Variants in GPHN observed in about 807,000 individuals in gnomAD.
GPHN encodes gephyrin.
GPHN carries 17 observed loss-of-function variants against 95.5 expected under a neutral mutation model. The observed-to-expected ratio is 0.18, with a 90% CI of 0.12 to 0.27. GPHN has a LOEUF of 0.27. GPHN is among the 10% of genes least tolerant of loss of function. GPHN has a pLI of 1.00. For synonymous variants in GPHN, 320 were observed against 322.5 expected, an observed-to-expected ratio of 0.99 and a Z score of 0.08; for missense variants, 660 against 978.1, an observed-to-expected ratio of 0.67 and a Z score of 4.34.
intron 5 of GPHN, among the ~76,000 whole-genome samples, chr14:66,897,647 T>G (rs2064923892): frequency 6.6e-6 from 1 of 152,150 alleles, no homozygotes; most frequent in Non-Finnish European, 1.5e-5. Context: ...TCGACTAAAT[T>G]GTTACATGGA....
chr14:67,529,973 A>G, the GPHN span, among the ~76,000 whole-genome samples: 35 of 152,072 alleles, frequency 2.3e-4, no homozygotes, highest in African/African-American at 8.0e-4. Flanking sequence ...TTGGTGATAT[A>G]GGAGAGGGTC....
chr14:67,474,223 G>A, the GPHN span, among the ~76,000 whole-genome samples: 2 of 151,706 alleles, frequency 1.3e-5, no homozygotes, highest in Admixed American at 1.3e-4. Flanking sequence ...CTGCACTCCA[G>A]CCTGGGAGAC....
intron 8 of GPHN, among the ~76,000 whole-genome samples, chr14:66,939,347 T>C (rs2067288678): frequency 6.6e-6 from 1 of 152,054 alleles, no homozygotes; most frequent in Non-Finnish European, 1.5e-5. Flanking sequence ...AACAACCTGA[T>C]TCAAAAATGA....
At chr14:67,124,309 C>G (rs1461855396) in intron 17 of GPHN, among the ~76,000 whole-genome samples, 2 of 152,054 alleles carry the variant, frequency 1.3e-5, no homozygotes, top group Non-Finnish European at 2.9e-5. Flanking sequence ...GGGAGGCTAA[C>G]ACAGGAGAAT....
At chr14:67,067,903 C>T (rs1348369706) in intron 11 of GPHN, among the ~76,000 whole-genome samples, 1 of 152,250 alleles carries the variant, frequency 6.6e-6, no homozygotes, top group African/African-American at 2.4e-5. Flanking sequence ...CAACCCCTTG[C>T]ACTTCCTGGG....
At chr14:67,611,712 A>G in the GPHN span, among the ~76,000 whole-genome samples, 1 of 152,220 alleles carries the variant, frequency 6.6e-6, no homozygotes, top group Admixed American at 6.5e-5. Flanking sequence ...CTCTAAAGCA[A>G]TGTTCCCCAA....
chr14:67,620,847 T>C, the GPHN span: 3 of 1,607,746 alleles, frequency 1.9e-6, no homozygotes, highest in Non-Finnish European at 2.6e-6. Context: ...TGGGTTTTTT[T>C]CCGACACCTT....
intron 11 of GPHN, among the ~76,000 whole-genome samples, chr14:67,085,940 A>T (rs573400877): frequency 6.6e-6 from 1 of 152,294 alleles, no homozygotes; most frequent in South Asian, 2.1e-4. Flanking sequence ...TATGTACCTC[A>T]TGTAAGTGGA....
the GPHN span, among the ~76,000 whole-genome samples, chr14:67,358,260 C>T: frequency 6.6e-6 from 1 of 152,158 alleles, no homozygotes; most frequent in Non-Finnish European, 1.5e-5. Context: ...ATCTTTATTT[C>T]CCCACAACTA....
At chr14:66,800,729 T>C (rs2060318298) in intron 3 of GPHN, among the ~76,000 whole-genome samples, 1 of 152,190 alleles carries the variant, frequency 6.6e-6, no homozygotes, top group Non-Finnish European at 1.5e-5. Context: ...TGGCTATTGA[T>C]ATCTTTCTCT....
the GPHN span, among the ~76,000 whole-genome samples, chr14:67,402,330 T>C: frequency 5.3e-5 from 8 of 152,198 alleles, no homozygotes; most frequent in Non-Finnish European, 4.4e-5. Flanking sequence ...ATGGGGTACA[T>C]GAGCTATTTT....
chr14:66,789,848 C>G (rs933726549), intron 3 of GPHN, among the ~76,000 whole-genome samples: 4 of 152,200 alleles, frequency 2.6e-5, no homozygotes, highest in African/African-American at 9.7e-5. Context: ...CTTTCCATAA[C>G]TGACATTAGC....
chr14:67,015,939 C>G (rs1363533162), intron 9 of GPHN, among the ~76,000 whole-genome samples: 3 of 151,952 alleles, frequency 2.0e-5, no homozygotes, highest in Non-Finnish European at 4.4e-5. Flanking sequence ...TTTTTTAACC[C>G]TGAGGATTTA....
At chr14:66,988,069 T>G (rs574945995) in intron 9 of GPHN, among the ~76,000 whole-genome samples, 1 of 152,116 alleles carries the variant, frequency 6.6e-6, no homozygotes, top group African/African-American at 2.4e-5. Context: ...ACTCCAAATC[T>G]GATTGGTTTG....
chr14:67,024,587 T>G (rs2073829005), intron 10 of GPHN, among the ~76,000 whole-genome samples: 1 of 152,218 alleles, frequency 6.6e-6, no homozygotes, highest in South Asian at 2.1e-4. Context: ...GGATACAGAT[T>G]AACATCAGCA....
intron 2 of GPHN, among the ~76,000 whole-genome samples, chr14:66,735,966 CA>C (rs1241322381): frequency 6.6e-6 from 1 of 151,892 alleles, no homozygotes; most frequent in African/African-American, 2.4e-5. Context: ...AACCAAAGGT[CA>C]AAAAAATTAG....
intron 10 of GPHN, among the ~76,000 whole-genome samples, chr14:67,056,990 A>AC (rs2075607538): frequency 6.6e-6 from 1 of 152,074 alleles, no homozygotes; most frequent in South Asian, 2.1e-4. Flanking sequence ...GGCCCGCCGT[A>AC]CCCACGCCCA....
intron 9 of GPHN, among the ~76,000 whole-genome samples, chr14:66,996,450 A>G (rs2071802971): frequency 2.0e-5 from 3 of 152,160 alleles, no homozygotes. Flanking sequence ...ACTACATCAC[A>G]TTGAAATAAC....
the GPHN span, chr14:67,593,827 T>C: frequency 4.3e-6 from 7 of 1,613,236 alleles, no homozygotes; most frequent in Non-Finnish European, 5.9e-6. Context: ...AAGCATAAGA[T>C]GAAGTCATCT....
Sources: allele counts gnomAD v4.1 joint callset (sites outside exome capture counted in the v4.1 genomes callset), GRCh38; gene constraint gnomAD v4.1.1; transcripts MANE v1.5; gene names NCBI Gene and HGNC (gene_info 2026-07-23, HGNC 2026-07-21).